The following RAD50 variants were observed in gnomAD, a reference collection of about 807,000 sequenced individuals.
RAD50 encodes the protein DNA repair protein RAD50.
A neutral mutation model predicts 168.8 loss-of-function variants in RAD50; 132 were observed. That is an observed-to-expected ratio of 0.78 (90% CI 0.68 to 0.90). The LOEUF is 0.90. Among genes scored for constraint, RAD50 ranks in the 40% least tolerant of loss-of-function variants. RAD50 has a pLI of 0.00. For synonymous variants in RAD50, 525 were observed against 497.4 expected (o/e 1.06, Z -0.74); for missense variants, 1,347 against 1,534.4 (o/e 0.88, Z 2.04).
At chr5:132,586,873 T>C (rs976922908) in intron 5 of RAD50, among the ~76,000 whole-genome samples, 1 of 152,140 alleles carries the variant, frequency 6.6e-6, no homozygotes, top group Non-Finnish European at 1.5e-5. Flanking sequence ...TGTCTCTGCA[T>C]TTGAAATAAT....
At chr5:132,579,550 G>C in intron 4 of RAD50, 48 bp downstream of exon 4, 1 of 1,558,252 alleles carries the variant, frequency 6.4e-7, no homozygotes, top group Non-Finnish European at 8.8e-7. Flanking sequence ...TTATTGAACT[G>C]TGTTTGCAAT....
intron 21 of RAD50, among the ~76,000 whole-genome samples, chr5:132,624,169 G>T (rs1279050021): frequency 6.6e-6 from 1 of 151,908 alleles, no homozygotes; most frequent in Non-Finnish European, 1.5e-5. Context: ...ATGTTCCCTG[G>T]GTCCAAAATG....
chr5:132,635,342 T>C lies in RAD50; in HGVS notation c.3390-1773T>C, dbSNP rs1344224638. On this transcript the variant is annotated intron_variant, in intron 21 of 24. Transcript: ENST00000378823. ...TCAATAATAATCATTATTATCATTGTTATTCCCTTATGTAGATTACTGTAG... is the reference window on the plus strand; with the variant it reads ...TCAATAATAATCATTATTATCATTGCTATTCCCTTATGTAGATTACTGTAG... 2.0e-5 allele frequency among the ~76,000 whole-genome samples: 3 copies of C among 152,234 alleles called. No homozygotes were observed. The East Asian group carries it at 5.8e-4, about 29-fold the overall frequency.
At chr5:132,558,161 A>T (rs1750044769) in intron 1 of RAD50, among the ~76,000 whole-genome samples, 1 of 152,244 alleles carries the variant, frequency 6.6e-6, no homozygotes. Context: ...TGAAGAGTGT[A>T]GAAAGAGAGA....
chr5:132,632,131 A>C (rs553995486), intron 21 of RAD50, among the ~76,000 whole-genome samples: 22 of 152,208 alleles, frequency 1.4e-4, no homozygotes, highest in South Asian at 6.2e-4. Flanking sequence ...TTCCTGTGCT[A>C]TCTCTCCCAT....
chr5:132,592,811 T>C (rs1321531771), intron 11 of RAD50: 2 of 470,988 alleles, frequency 4.2e-6, no homozygotes, highest in Admixed American at 2.3e-5. Context: ...TACAATTCTT[T>C]GAAGAAATGC....
At chr5:132,629,510 T>C (rs1751426762) in intron 21 of RAD50, among the ~76,000 whole-genome samples, 1 of 152,148 alleles carries the variant, frequency 6.6e-6, no homozygotes, top group East Asian at 1.9e-4. Context: ...GCCAGGCTGT[T>C]TACTGAGTTC....
At chr5:132,633,227 C>G (rs1751509818) in intron 21 of RAD50, among the ~76,000 whole-genome samples, 1 of 151,060 alleles carries the variant, frequency 6.6e-6, no homozygotes, top group Admixed American at 6.6e-5. Context: ...GCCTCAGCCT[C>G]CCGAGTAGCT....
At chr5:132,593,899 G>C (rs146791421) in intron 11 of RAD50, among the ~76,000 whole-genome samples, 1 of 152,128 alleles carries the variant, frequency 6.6e-6, no homozygotes, top group Admixed American at 6.5e-5. Context: ...AGGGAACCAG[G>C]GTGAGAGCCA....
At chr5:132,578,749 G>A (rs867164564) in intron 3 of RAD50, among the ~76,000 whole-genome samples, 78 of 151,494 alleles carry the variant, frequency 5.1e-4, no homozygotes, top group African/African-American at 1.9e-3. Flanking sequence ...GGCTGGTCTC[G>A]AACTCCTGAC....
chr5:132,638,908 A>G (rs1325563184), intron 23 of RAD50, among the ~76,000 whole-genome samples: 1 of 152,272 alleles, frequency 6.6e-6, no homozygotes, highest in African/African-American at 2.4e-5. Context: ...AAGATGTCAC[A>G]GATACTTGAG....
Position 132,591,366 on chromosome 5 carries a change from C to A in RAD50, c.1595C>A (p.Thr532Lys), listed in dbSNP as rs768816602. The change falls in exon 10 of 25, where the codon ACA (threonine) becomes AAA (lysine). Residue 532 changes from threonine to lysine, a missense_variant. Physicochemically the swap from Thr to Lys is moderately conservative, Grantham distance 78 (BLOSUM62 -1). Transcript: ENST00000378823. ...GAGATGGAGCAGTTAAACCATCATA[C>A]AACAACACGTACCCAAATGGAGATG... ...DQEMEQLNHHTTTRTQMEMLT... is the reference protein window; with the variant it reads ...DQEMEQLNHHKTTRTQMEMLT... 4 of 1,613,902 alleles carry A rather than the reference C, an allele frequency of 2.5e-6. No homozygotes were observed. The highest frequency in any genetic ancestry group is 3.4e-6 in the Non-Finnish European group (4 of 1,179,902).
rs150419399 is a variant in RAD50 at position 132,641,125 on chromosome 5, T to A, written c.3752+320T>A. ...TGTAAACCTACCAGAGGAACCCACA[T>A]GTCATGCACAGCAATTAGCATGCCC... On this transcript the variant is annotated intron_variant, in intron 24 of 24. Coordinates refer to ENST00000378823, the MANE Select transcript of RAD50 (RefSeq NM_005732.4). Among the ~76,000 whole-genome samples the A allele has an allele frequency of 1.1e-3, 170 of 152,300 alleles. 1 individual carries two copies. Among genetic ancestry groups the A allele is most frequent in the Middle Eastern group, 3.4e-3 (1 of 294 alleles).
intron 19 of RAD50, among the ~76,000 whole-genome samples, chr5:132,612,400 A>G (rs1208329730): frequency 6.6e-6 from 1 of 152,204 alleles, no homozygotes; most frequent in East Asian, 1.9e-4. Flanking sequence ...GGGATGATCA[A>G]ATGCTCTGGA....
chr5:132,560,205 G>C (rs978949295), intron 2 of RAD50, among the ~76,000 whole-genome samples: 2 of 151,936 alleles, frequency 1.3e-5, no homozygotes, highest in Admixed American at 6.6e-5. Context: ...CCATGTCTAC[G>C]TGAGCACATA....
At chr5:132,634,910 C>A (rs1751544841) in intron 21 of RAD50, among the ~76,000 whole-genome samples, 1 of 152,044 alleles carries the variant, frequency 6.6e-6, no homozygotes, top group Non-Finnish European at 1.5e-5. Flanking sequence ...ATGATATATT[C>A]TTTTTACTAC....
intron 3 of RAD50, among the ~76,000 whole-genome samples, chr5:132,577,282 C>T (rs912786341): frequency 6.6e-6 from 1 of 152,184 alleles, no homozygotes; most frequent in Non-Finnish European, 1.5e-5. Context: ...CTCTCTTCTT[C>T]TGCCTTCCTC....
chr5:132,641,853 A>G (rs1471690033), intron 24 of RAD50: 3 of 291,334 alleles, frequency 1.0e-5, no homozygotes, highest in Non-Finnish European at 1.9e-5. Flanking sequence ...AACAGTTTGG[A>G]TATTAAGGAA....
chr5:132,594,223 G>A (rs145694988), intron 11 of RAD50, among the ~76,000 whole-genome samples: 328 of 152,178 alleles, frequency 2.2e-3, no homozygotes, highest in African/African-American at 7.6e-3. Flanking sequence ...ATATATTACC[G>A]TCTATTCTGT....
Sources: allele counts gnomAD v4.1 joint callset (sites outside exome capture counted in the v4.1 genomes callset), GRCh38; gene constraint gnomAD v4.1.1; transcripts MANE v1.5; gene names NCBI Gene and HGNC (gene_info 2026-07-23, HGNC 2026-07-21).